Variants in CNTN5 observed in about 807,000 individuals in gnomAD.
The protein encoded by CNTN5 is contactin 5, also known as contactin-5.
CNTN5 carries 77 observed loss-of-function variants against 129.1 expected under a neutral mutation model. The observed-to-expected ratio is 0.60, with a 90% CI of 0.50 to 0.72. The LOEUF (loss-of-function observed/expected upper bound fraction) is 0.72, where lower values mean the gene tolerates loss of function less well. Ranked by LOEUF, CNTN5 falls within the 30% of genes least tolerant of loss-of-function variation. The pLI is 0.00. For missense variants in CNTN5, 1,478 were observed against 1,328.8 expected, an observed-to-expected ratio of 1.11 and a Z score of -1.75; for synonymous variants, 509 against 465.6, an observed-to-expected ratio of 1.09 and a Z score of -1.20.
intron 2 of CNTN5, among the ~76,000 whole-genome samples, chr11:99,529,487 T>C (rs1473640100): frequency 6.6e-6 from 1 of 152,192 alleles, no homozygotes; most frequent in Non-Finnish European, 1.5e-5. Flanking sequence ...AGAACTTTTC[T>C]TTTAAATGTT....
chr11:100,001,994 A>G (rs200364875), intron 8 of CNTN5, 40 bp from the exon 9 acceptor site: 33 of 1,327,262 alleles, frequency 2.5e-5, no homozygotes, highest in Non-Finnish European at 3.2e-5. Flanking sequence ...ACAAATTGTA[A>G]CATTCATTTG....
At chr11:100,121,229 T>C (rs1946010897) in intron 13 of CNTN5, among the ~76,000 whole-genome samples, 1 of 151,938 alleles carries the variant, frequency 6.6e-6, no homozygotes, top group African/African-American at 2.4e-5. Flanking sequence ...GAGCAATAAA[T>C]TACTTCTAGG....
intron 9 of CNTN5, among the ~76,000 whole-genome samples, chr11:100,060,482 A>G (rs1943418986): frequency 1.3e-5 from 2 of 152,162 alleles, no homozygotes; most frequent in Middle Eastern, 3.4e-3. Context: ...TGTATTTGCT[A>G]TTTGGCCAGA....
intron 2 of CNTN5, among the ~76,000 whole-genome samples, chr11:99,500,950 C>T (rs7106620): frequency 0.012 from 1,878 of 152,074 alleles, 41 homozygotes; most frequent in African/African-American, 0.041. Flanking sequence ...ATCTGTATGC[C>T]TTTTGTGAAA....
chr11:100,093,570 G>A (rs1895125), intron 13 of CNTN5, among the ~76,000 whole-genome samples: 14,007 of 151,986 alleles, frequency 0.092, 819 homozygotes, highest in East Asian at 0.18. Context: ...CCTGGCCCAA[G>A]TTGCAAGTTT....
intron 3 of CNTN5, among the ~76,000 whole-genome samples, chr11:99,673,737 G>T (rs932518810): frequency 6.9e-6 from 1 of 145,262 alleles, no homozygotes; most frequent in African/African-American, 2.6e-5. Context: ...AAGGATAAAG[G>T]CTTCCAGCTC....
intron 17 of CNTN5, among the ~76,000 whole-genome samples, chr11:100,258,603 T>G (rs2138737308): frequency 6.6e-6 from 1 of 151,854 alleles, no homozygotes; most frequent in African/African-American, 2.4e-5. Context: ...GCAGAAACTC[T>G]ACAAGCCAGA....
chr11:100,127,258 C>T (rs766973743), intron 13 of CNTN5, among the ~76,000 whole-genome samples: 1 of 151,634 alleles, frequency 6.6e-6, no homozygotes, highest in Non-Finnish European at 1.5e-5. Context: ...TTTTTCCTTT[C>T]TGTGTTTAGG....
intron 2 of CNTN5, among the ~76,000 whole-genome samples, chr11:99,422,542 A>C (rs1288816775): frequency 7.0e-6 from 1 of 143,422 alleles, no homozygotes; most frequent in South Asian, 2.2e-4. Flanking sequence ...ATATATATAT[A>C]TATATATATA....
At chr11:99,703,695 A>G (rs749587127) in intron 3 of CNTN5, among the ~76,000 whole-genome samples, 2 of 150,942 alleles carry the variant, frequency 1.3e-5, no homozygotes, top group African/African-American at 4.8e-5. Flanking sequence ...ATCTAATGAC[A>G]TGTTCTATTA....
rs573865101 is a variant in CNTN5, at chr11:100,357,297, G to C, written c.*1077G>C. The stretch of plus-strand genomic sequence containing the variant: ...TGATAAAATCAACTAGTAAAATAAA[G>C]ACAGTCTTTCTTGGATAAATTGAAT... On this transcript the variant is annotated 3_prime_UTR_variant, in exon 25 of 25. Transcript: ENST00000524871. 2 of 151,786 alleles carry C rather than the reference G, an allele frequency of 1.3e-5. No individual in the cohort carries two copies. Among genetic ancestry groups the C allele is most frequent in the African/African-American group, 4.8e-5 (2 of 41,402 alleles). The allele number at this position is 151,786 out of a possible 1,614,324, so 9.4% of individuals were successfully genotyped here. A position where few individuals can be genotyped will look rare whatever the true frequency, so the allele number is the denominator to read the frequency against.
intron 18 of CNTN5, among the ~76,000 whole-genome samples, chr11:100,294,918 T>C (rs1402100579): frequency 6.6e-6 from 1 of 151,662 alleles, no homozygotes; most frequent in Non-Finnish European, 1.5e-5. Flanking sequence ...TGGGTTTCGC[T>C]GATTAGCTGC....
At chr11:99,997,122 C>G (rs1355182216) in intron 8 of CNTN5, among the ~76,000 whole-genome samples, 1 of 152,176 alleles carries the variant, frequency 6.6e-6, no homozygotes, top group Non-Finnish European at 1.5e-5. Flanking sequence ...TTTGATTCTT[C>G]TCTCTTTTTT....
chr11:100,131,959 G>T (rs538089464), intron 13 of CNTN5, among the ~76,000 whole-genome samples: 1 of 152,162 alleles, frequency 6.6e-6, no homozygotes, highest in South Asian at 2.1e-4. Flanking sequence ...AGAAAGGTAG[G>T]GCGGGGGCAT....
chr11:99,766,726 C>T lies in CNTN5; in HGVS notation c.56-52818C>T, dbSNP rs565726411. Among the ~76,000 whole-genome samples the T allele has an allele frequency of 4.1e-4, 62 of 152,116 alleles. No homozygotes were observed. In the South Asian group the frequency reaches 8.5e-3, roughly 21 times the overall value. ...TATCTGTGGAACTGGATTTAATATG[C>T]TTTAAAGCAGATTTTTTATGCTCAA... is the stretch of plus-strand genomic sequence containing the variant. On this transcript the variant is annotated intron_variant, in intron 3 of 24. Coordinates refer to ENST00000524871, the MANE Select transcript of CNTN5 (RefSeq NM_014361.4).
chr11:100,027,624 G>C (rs1422167054), intron 9 of CNTN5, among the ~76,000 whole-genome samples: 4 of 152,198 alleles, frequency 2.6e-5, no homozygotes, highest in South Asian at 4.2e-4. Flanking sequence ...ATGTCCTGTA[G>C]ATCTCTAACA....
Position 99,820,954 on chromosome 11 carries a change from T to A in CNTN5, c.277+1189T>A, listed in dbSNP as rs1376072451. 5.3e-5 allele frequency among the ~76,000 whole-genome samples: 8 copies of A among 152,338 alleles called. No homozygotes were observed. The East Asian group carries it at 1.5e-3, about 29-fold the overall frequency. On this transcript the variant is annotated intron_variant, in intron 4 of 24. Coordinates refer to ENST00000524871, the MANE Select transcript of CNTN5 (RefSeq NM_014361.4). Reference sequence around the variant, plus strand: ...ACTTATCCTTTGTGATTATACCAATTGTTGCCATGTGCAGCATTGTCTCGT... The same window carrying A: ...ACTTATCCTTTGTGATTATACCAATAGTTGCCATGTGCAGCATTGTCTCGT...
intron 3 of CNTN5, among the ~76,000 whole-genome samples, chr11:99,761,291 G>A: frequency 6.6e-6 from 1 of 151,930 alleles, no homozygotes; most frequent in East Asian, 1.9e-4. Flanking sequence ...TATACTTTAA[G>A]TTTTAGGGTA....
intron 3 of CNTN5, among the ~76,000 whole-genome samples, chr11:99,759,374 A>G (rs1591111828): frequency 1.3e-5 from 2 of 152,038 alleles, no homozygotes; most frequent in African/African-American, 4.8e-5. Context: ...TCATGAGTTC[A>G]TCATTTAAAA....
Sources: gnomAD v4.1 joint callset for allele counts (sites outside exome capture counted in the v4.1 genomes callset) on GRCh38, gnomAD v4.1.1 for gene constraint, MANE v1.5 for transcripts, NCBI Gene and HGNC (gene_info 2026-07-23, HGNC 2026-07-21) for gene names.